The following GPM6A variants were observed in gnomAD, a reference collection of about 807,000 sequenced individuals.
GPM6A encodes the protein glycoprotein M6A.
Under a neutral mutation model 32.1 loss-of-function variants are expected in GPM6A, and 7 were observed. The observed-to-expected ratio is 0.22, with a 90% CI of 0.12 to 0.41. The LOEUF is 0.41. GPM6A is among the 10% of genes least tolerant of loss of function. GPM6A has a pLI of 1.00. For missense variants in GPM6A, 235 were observed against 347.2 expected (o/e 0.68, Z 2.57); for synonymous variants, 130 against 123.4 (o/e 1.05, Z -0.35).
chr4:175,752,509 G>C (rs1424917298), intron 1 of GPM6A, among the ~76,000 whole-genome samples: 1 of 151,990 alleles, frequency 6.6e-6, no homozygotes, highest in Non-Finnish European at 1.5e-5. Flanking sequence ...AGCAAAATGT[G>C]GTGATCCCTC....
At chr4:175,830,330 A>T (rs1735570633) in intron 1 of GPM6A, among the ~76,000 whole-genome samples, 1 of 152,166 alleles carries the variant, frequency 6.6e-6, no homozygotes. Context: ...GCTACATCAC[A>T]TTTTTTAGAC....
intron 1 of GPM6A, among the ~76,000 whole-genome samples, chr4:175,742,594 G>A (rs1466546282): frequency 1.3e-5 from 2 of 152,130 alleles, no homozygotes; most frequent in South Asian, 2.1e-4. Context: ...TTAGAGTCAT[G>A]TACATTTAAG....
chr4:175,665,117 G>A (rs1356102884), intron 3 of GPM6A, among the ~76,000 whole-genome samples: 2 of 152,148 alleles, frequency 1.3e-5, no homozygotes, highest in Admixed American at 6.5e-5. Context: ...ACATTAGGGG[G>A]TGCATCACTG....
chr4:175,715,770 G>T (rs1475758761), intron 1 of GPM6A, among the ~76,000 whole-genome samples: 1 of 151,146 alleles, frequency 6.6e-6, no homozygotes, highest in Non-Finnish European at 1.5e-5. Flanking sequence ...ACGAGGTCAA[G>T]AATTTGTATT....
chr4:175,793,446 G>A (rs917263985), intron 1 of GPM6A, among the ~76,000 whole-genome samples: 8 of 151,986 alleles, frequency 5.3e-5, no homozygotes, highest in Non-Finnish European at 1.0e-4. Flanking sequence ...GCGCGATCTC[G>A]GCTCACTGCA....
intron 1 of GPM6A, among the ~76,000 whole-genome samples, chr4:175,734,773 T>C (rs1038570067): frequency 3.3e-5 from 5 of 152,024 alleles, no homozygotes; most frequent in Non-Finnish European, 7.4e-5. Context: ...CTCGGGAGGC[T>C]GAGGCAAGAG....
rs1732237418 is a variant in GPM6A at position 175,749,502 on chromosome 4, T to C, written c.38-47735A>G. ...AATAAAATAAGATGAAGTCTGCATG[T>C]GTAAATAAATGTAATATTTAACTTT... On this transcript the variant is annotated intron_variant, in intron 1 of 6. Transcript: ENST00000393658. Among the ~76,000 whole-genome samples the C allele has an allele frequency of 2.0e-5, 3 of 152,184 alleles. 1 individual carries two copies. The South Asian group carries it at 6.2e-4, about 31-fold the overall frequency.
At chr4:175,636,431 A>T (rs1338566451) in intron 6 of GPM6A, among the ~76,000 whole-genome samples, 1 of 151,364 alleles carries the variant, frequency 6.6e-6, no homozygotes, top group Non-Finnish European at 1.5e-5. Context: ...CAAATAAATG[A>T]ATGTATTTTT....
intron 1 of GPM6A, among the ~76,000 whole-genome samples, chr4:175,871,223 C>A (rs1736896400): frequency 6.6e-6 from 1 of 152,106 alleles, no homozygotes; most frequent in Non-Finnish European, 1.5e-5. Context: ...AATCCCAGCA[C>A]TTTGGGTTGC....
chr4:175,739,615 G>A lies in GPM6A; in HGVS notation c.38-37848C>T, dbSNP rs1034969411. On this transcript the variant is annotated intron_variant, in intron 1 of 6. Transcript: ENST00000393658. ...ATGGCTAAGCTGTTTTGTAAACATA[G>A]AGACTTTTTTAATTCCATTCATGAG... 4.6e-5 allele frequency among the ~76,000 whole-genome samples: 7 copies of A among 152,074 alleles called. No homozygotes were observed. In the East Asian group the frequency reaches 1.3e-3, roughly 29 times the overall value.
intron 1 of GPM6A, among the ~76,000 whole-genome samples, chr4:175,728,531 A>G (rs1731279057): frequency 6.6e-6 from 1 of 152,226 alleles, no homozygotes; most frequent in Admixed American, 6.5e-5. Flanking sequence ...AATTATTTCA[A>G]GGACTATTAG....
intron 1 of GPM6A, among the ~76,000 whole-genome samples, chr4:175,920,407 C>T (rs1047367782): frequency 3.3e-5 from 5 of 152,152 alleles, no homozygotes; most frequent in African/African-American, 1.2e-4. Flanking sequence ...GAACTGAGAA[C>T]TGTTCCATGC....
At chr4:175,804,943 G>A (rs971118957) in intron 1 of GPM6A, among the ~76,000 whole-genome samples, 18 of 152,094 alleles carry the variant, frequency 1.2e-4, no homozygotes, top group African/African-American at 4.1e-4. Context: ...TATTCGGGAG[G>A]CTGAGGCAGG....
chr4:175,681,706 T>C (rs1343910205), intron 2 of GPM6A, among the ~76,000 whole-genome samples: 2 of 152,092 alleles, frequency 1.3e-5, no homozygotes, highest in Non-Finnish European at 2.9e-5. Context: ...CCCCTTCACC[T>C]TCTGCTATGA....
At chr4:175,810,159 TG>T (rs1707975376) in intron 1 of GPM6A, among the ~76,000 whole-genome samples, 1 of 152,178 alleles carries the variant, frequency 6.6e-6, no homozygotes, top group African/African-American at 2.4e-5. Context: ...CTTGTCAAAT[TG>T]CTCCTCCAGT....
chr4:175,813,551 GACACACACAAGC>G (rs1735009196), upstream of GPM6A, among the ~76,000 whole-genome samples: 1 of 151,396 alleles, frequency 6.6e-6, no homozygotes, highest in Non-Finnish European at 1.5e-5. Flanking sequence ...GGGACAGAAA[GACACACACAAGC>G]ACACACACGG....
intron 1 of GPM6A, among the ~76,000 whole-genome samples, chr4:175,991,725 G>C (rs1741151246): frequency 6.6e-6 from 1 of 151,808 alleles, no homozygotes; most frequent in Non-Finnish European, 1.5e-5. Flanking sequence ...ACTATACCCA[G>C]AAGGAATAAG....
At chr4:175,711,999 A>T (rs1386885355) in intron 1 of GPM6A, among the ~76,000 whole-genome samples, 1 of 152,184 alleles carries the variant, frequency 6.6e-6, no homozygotes, top group Non-Finnish European at 1.5e-5. Context: ...ATATAGCAGA[A>T]GTTTACATTT....
chr4:175,812,118 G>T, intron 1 of GPM6A, 73 bp downstream of exon 1: 7 of 1,112,198 alleles, frequency 6.3e-6, no homozygotes, highest in Admixed American at 2.1e-5. Context: ...AGCCTTACTG[G>T]CAAGTGTCTA....
Sources: allele counts gnomAD v4.1 joint callset (sites outside exome capture counted in the v4.1 genomes callset), GRCh38; gene constraint gnomAD v4.1.1; transcripts MANE v1.5; gene names NCBI Gene and HGNC (gene_info 2026-07-23, HGNC 2026-07-21).